The following MAP3K13 variants were observed in gnomAD, a reference collection of about 807,000 sequenced individuals.
The protein encoded by MAP3K13 is leucine zipper-bearing kinase.
Under a neutral mutation model 104.0 loss-of-function variants are expected in MAP3K13, and 52 were observed. The observed-to-expected ratio is 0.50, with a 90% CI of 0.40 to 0.63. The LOEUF (loss-of-function observed/expected upper bound fraction) is 0.63. Ranked by LOEUF, MAP3K13 falls within the 20% of genes least tolerant of loss-of-function variation. MAP3K13 has a pLI of 0.00. For missense variants in MAP3K13, 914 were observed against 1,218.5 expected (o/e 0.75, Z 3.72); for synonymous variants, 394 against 442.2 (o/e 0.89, Z 1.37).
intron 1 of MAP3K13, among the ~76,000 whole-genome samples, chr3:185,284,440 G>T (rs1215052241): frequency 6.6e-6 from 1 of 152,202 alleles, no homozygotes; most frequent in Non-Finnish European, 1.5e-5. Context: ...GTGGGGCCGG[G>T]CACGGTGGCT....
intron 1 of MAP3K13, among the ~76,000 whole-genome samples, chr3:185,407,302 G>GT (rs1196187005): frequency 3.9e-5 from 6 of 152,114 alleles, no homozygotes; most frequent in African/African-American, 1.4e-4. Flanking sequence ...ATATGTAATC[G>GT]TGACTGTGCT....
intron 2 of MAP3K13, among the ~76,000 whole-genome samples, chr3:185,351,023 A>C (rs367969307): frequency 2.1e-4 from 32 of 152,342 alleles, no homozygotes; most frequent in African/African-American, 6.7e-4. Flanking sequence ...GGAATACTAC[A>C]CAGCCATAAA....
At chr3:185,446,403 C>T (rs1026373544) in intron 4 of MAP3K13, among the ~76,000 whole-genome samples, 2 of 152,036 alleles carry the variant, frequency 1.3e-5, no homozygotes, top group African/African-American at 2.4e-5. Flanking sequence ...CTACAAGCGC[C>T]CGCCACCACG....
intron 10 of MAP3K13, among the ~76,000 whole-genome samples, chr3:185,467,416 CA>C (rs747099475): frequency 2.6e-5 from 4 of 152,192 alleles, no homozygotes; most frequent in Non-Finnish European, 5.9e-5. Flanking sequence ...TTTATTCACA[CA>C]TTTAGTTCGT....
intron 2 of MAP3K13, among the ~76,000 whole-genome samples, chr3:185,358,100 A>G (rs1365931322): frequency 1.3e-5 from 2 of 152,206 alleles, no homozygotes; most frequent in African/African-American, 4.8e-5. Context: ...AATGTATATA[A>G]TAAGGTTAAC....
chr3:185,340,334 G>A (rs1408718181), intron 2 of MAP3K13, among the ~76,000 whole-genome samples: 3 of 152,206 alleles, frequency 2.0e-5, no homozygotes, highest in Admixed American at 6.5e-5. Context: ...ACAGGGCACT[G>A]TAGGGAGAAG....
chr3:185,359,403 C>T (rs1341511374), upstream of MAP3K13, among the ~76,000 whole-genome samples: 1 of 152,100 alleles, frequency 6.6e-6, no homozygotes, highest in Non-Finnish European at 1.5e-5. Context: ...AGAGCCAAAC[C>T]ATATCAGATC....
rs1305303637 is a variant in MAP3K13, at chr3:185,438,301, GGAAAGAAAGAA to G, written c.659+683_659+693del. On this transcript the variant is annotated intron_variant, in intron 3 of 13. Coordinates refer to ENST00000265026, the MANE Select transcript of MAP3K13 (RefSeq NM_004721.5). The stretch of plus-strand genomic sequence containing the variant: ...ACAGAGTGAGACCCTGAAAAAAAAA[GGAAAGAAAGAA>G]GAAAGAAAGAAAGAAAGAGACAAAG... Among the ~76,000 whole-genome samples the G allele has an allele frequency of 5.4e-5, 5 of 92,958 alleles. No individual in the cohort carries two copies. The East Asian group carries it at 1.4e-3, about 27-fold the overall frequency. 61.0% of individuals were successfully genotyped at this position (92,958 alleles called of 152,430 possible).
At chr3:185,288,773 A>T (rs1452473073) in intron 2 of MAP3K13, among the ~76,000 whole-genome samples, 2 of 152,180 alleles carry the variant, frequency 1.3e-5, no homozygotes, top group Non-Finnish European at 2.9e-5. Flanking sequence ...AACATAAATT[A>T]TTATGTTAAC....
rs747466011 is a variant in MAP3K13 at position 185,443,441 on chromosome 3, G to A, written c.660-4G>A. 6 of 1,601,512 alleles carry A rather than the reference G, an allele frequency of 3.7e-6. No individual in the cohort carries two copies. On this transcript the variant is annotated splice_region_variant and splice_polypyrimidine_tract_variant and intron_variant, in intron 3 of 13. Transcript: ENST00000265026. ...TGATGTACATGTTTATGTTTTCTTG[G>A]AAGGGGTGTTTGTACTCAGGCCCCA...
intron 8 of MAP3K13, 97 bp downstream of exon 8, chr3:185,463,756 C>T: frequency 3.0e-6 from 2 of 656,132 alleles, no homozygotes; most frequent in South Asian, 2.1e-5. Flanking sequence ...TTCCACACAC[C>T]TTTCACCTCT....
chr3:185,354,882 A>C (rs557084618), intron 2 of MAP3K13, among the ~76,000 whole-genome samples: 1 of 152,182 alleles, frequency 6.6e-6, no homozygotes, highest in Non-Finnish European at 1.5e-5. Context: ...TTGGATGATG[A>C]AAAACAGGTC....
At chr3:185,427,806 C>T (rs1030267438) in intron 1 of MAP3K13, among the ~76,000 whole-genome samples, 13 of 152,102 alleles carry the variant, frequency 8.5e-5, no homozygotes, top group Non-Finnish European at 1.6e-4. Flanking sequence ...AGGCCGGGCA[C>T]GGTGGCTCAC....
chr3:185,427,146 A>C (rs1560100419), intron 1 of MAP3K13, among the ~76,000 whole-genome samples: 1 of 151,748 alleles, frequency 6.6e-6, no homozygotes, highest in African/African-American at 2.4e-5. Flanking sequence ...TGAGGTCAGG[A>C]GTTTGAGACC....
chr3:185,416,451 A>G (rs1713775553), intron 1 of MAP3K13, among the ~76,000 whole-genome samples: 1 of 151,730 alleles, frequency 6.6e-6, no homozygotes, highest in African/African-American at 2.4e-5. Flanking sequence ...TGTTGTTACT[A>G]CTAATTATAG....
chr3:185,405,260 C>T (rs567157020), intron 1 of MAP3K13, among the ~76,000 whole-genome samples: 13 of 152,258 alleles, frequency 8.5e-5, no homozygotes, highest in Non-Finnish European at 1.5e-4. Context: ...TTAATGTAAT[C>T]GCATAAATTC....
At chr3:185,464,567 T>G (rs748378952) in intron 8 of MAP3K13, among the ~76,000 whole-genome samples, 2 of 152,172 alleles carry the variant, frequency 1.3e-5, no homozygotes, top group Non-Finnish European at 1.5e-5. Flanking sequence ...TGCTTCTCCT[T>G]TGCCTTCTGC....
chr3:185,312,387 C>T (rs538281106), intron 2 of MAP3K13, among the ~76,000 whole-genome samples: 8 of 152,284 alleles, frequency 5.3e-5, no homozygotes, highest in East Asian at 1.9e-4. Context: ...TCAAGGGTCA[C>T]GCAGAGAGAT....
intron 7 of MAP3K13, among the ~76,000 whole-genome samples, chr3:185,459,407 G>A (rs1392643356): frequency 1.3e-5 from 2 of 151,864 alleles, no homozygotes; most frequent in African/African-American, 4.8e-5. Flanking sequence ...TAAAAAGTGT[G>A]GTAAAATAAA....
Sources: gnomAD v4.1 joint callset for allele counts (sites outside exome capture counted in the v4.1 genomes callset) on GRCh38, gnomAD v4.1.1 for gene constraint, MANE v1.5 for transcripts, NCBI Gene and HGNC (gene_info 2026-07-23, HGNC 2026-07-21) for gene names.